Variants in SLC8A2 observed in about 807,000 individuals in gnomAD.
The protein encoded by SLC8A2 is sodium/calcium exchanger 2.
SLC8A2 carries 14 observed loss-of-function variants against 70.2 expected under a neutral mutation model. That is an observed-to-expected ratio of 0.20 (90% CI 0.13 to 0.31). The LOEUF (loss-of-function observed/expected upper bound fraction) is 0.31. Ranked by LOEUF, SLC8A2 falls within the 10% of genes least tolerant of loss-of-function variation. The pLI is 1.00. For missense variants in SLC8A2, 779 were observed against 1,320.1 expected (o/e 0.59, Z 6.35); for synonymous variants, 575 against 594.3 (o/e 0.97, Z 0.47).
Position 47,432,118 on chromosome 19 carries a change from G to A in SLC8A2, c.2389+49C>T, listed in dbSNP as rs768429796. The A allele has an allele frequency of 1.6e-5, 25 of 1,531,186 alleles. No homozygotes were observed. The African/African-American group carries it at 3.1e-4, about 19-fold the overall frequency. The allele number at this position is 1,531,186 out of a possible 1,614,324, so 94.8% of individuals were successfully genotyped here. On this transcript the variant is annotated intron_variant, in intron 9 of 9. Transcript: ENST00000236877. This position sits in a 1 kb window ranked among gnomAD's most constrained non-coding sequence, Gnocchi z 6.2. ...TTTGGCAGGATCCTGTGTTGCCCCT[G>A]CCTGGCTCATCTGAGATCCTACCCC...
rs1201659491 is a variant in SLC8A2, at chr19:47,428,596, GC to G, written c.*1492del. On this transcript the variant is annotated 3_prime_UTR_variant, in exon 10 of 10. Transcript: ENST00000236877. Reference sequence around the variant, plus strand: ...ACCCAGATTACTTGGTTTAACAGTTGCCCAAATCTCAGTCAGAGACCTTATT... The same window carrying G: ...ACCCAGATTACTTGGTTTAACAGTTGCCAAATCTCAGTCAGAGACCTTATT... 1 of 152,618 alleles carries G rather than the reference GC, an allele frequency of 6.6e-6. No homozygotes were observed. Among genetic ancestry groups the G allele is most frequent in the East Asian group, 1.9e-4 (1 of 5,198 alleles). The allele number at this position is 152,618 out of a possible 1,614,324, so 9.5% of individuals were successfully genotyped here.
At chr19:47,457,628 G>A in intron 2 of SLC8A2, 34 bp from the exon 3 acceptor site, 1 of 1,424,830 alleles carries the variant, frequency 7.0e-7, no homozygotes, top group Admixed American at 2.4e-5. Context: ...GAGGCCGGGC[G>A]GGCCGCCTTC....
At position 47,457,128 on chromosome 19, in the gene SLC8A2, G is replaced by C; in HGVS notation, c.1142C>G (p.Pro381Arg). 1 of 1,542,738 alleles carries C rather than the reference G, an allele frequency of 6.5e-7. No homozygotes were observed. The highest frequency in any genetic ancestry group is 8.7e-7 in the Non-Finnish European group (1 of 1,144,646). ...HAADASRRAA[P>R]AEGAGEDEDD... ...TTCGTCCTCGCCCGCGCCCTCGGCC[G>C]GCGCCGCCCTGCGCGAGGCGTCCGC... is the stretch of plus-strand genomic sequence containing the variant. Residue 381 changes from proline to arginine, a missense_variant, in exon 3 of 10, where the codon CCG becomes CGG. Around this residue, in one of 6 missense-constraint regions of SLC8A2, gnomAD observed 186 missense variants for 246.6 expected, o/e 0.75. Coordinates refer to ENST00000236877, the MANE Select transcript of SLC8A2 (RefSeq NM_015063.3).
chr19:47,456,334 T>A (rs1967303180), intron 3 of SLC8A2, among the ~76,000 whole-genome samples: 1 of 152,214 alleles, frequency 6.6e-6, no homozygotes, highest in Non-Finnish European at 1.5e-5. Flanking sequence ...TTAATGTTCC[T>A]ATGCACATGA....
chr19:47,460,189 A>G (rs1429285722), intron 2 of SLC8A2, among the ~76,000 whole-genome samples: 1 of 152,106 alleles, frequency 6.6e-6, no homozygotes, highest in Non-Finnish European at 1.5e-5. Context: ...CTGTGTCTCT[A>G]ACAGAGACAC....
chr19:47,451,217 C>T (rs1163224501), intron 3 of SLC8A2, among the ~76,000 whole-genome samples: 8 of 151,964 alleles, frequency 5.3e-5, no homozygotes, highest in Non-Finnish European at 8.8e-5. Context: ...ACCATGTTGG[C>T]CAGGCTGGTC....
Position 47,432,601 on chromosome 19 carries a change from A to T in SLC8A2, c.2111-156T>A. Reference sequence around the variant, plus strand: ...CCTGTGGCCAAGTCAACTGCTAAAAACAGTTACTTTCCCAGAATCCCTTGA... The same window carrying T: ...CCTGTGGCCAAGTCAACTGCTAAAATCAGTTACTTTCCCAGAATCCCTTGA... On this transcript the variant is annotated intron_variant, in intron 8 of 9. Coordinates refer to ENST00000236877, the MANE Select transcript of SLC8A2 (RefSeq NM_015063.3). This position sits in a 1 kb window ranked among gnomAD's most constrained non-coding sequence, Gnocchi z 6.2. The T allele has an allele frequency of 1.5e-6, 1 of 652,270 alleles. No homozygotes were observed. 40.4% of individuals were successfully genotyped at this position (652,270 alleles called of 1,614,324 possible). A position where few individuals can be genotyped will look rare whatever the true frequency, so the allele number is the denominator to read the frequency against.
intron 8 of SLC8A2, among the ~76,000 whole-genome samples, chr19:47,434,096 G>A (rs1292047400): frequency 6.6e-6 from 1 of 152,264 alleles, no homozygotes; most frequent in South Asian, 2.1e-4. Flanking sequence ...GAGAACGAAC[G>A]TAGCTCCTGA....
chr19:47,431,679 AAC>A (rs758101162), intron 9 of SLC8A2, among the ~76,000 whole-genome samples: 416 of 33,018 alleles, frequency 0.013, 42 homozygotes, highest in Non-Finnish European at 0.054. Flanking sequence ...AAAAAAAAAA[AAC>A]AAAACCCAAA....
chr19:47,458,891 C>T (rs533892385), intron 2 of SLC8A2, among the ~76,000 whole-genome samples: 1 of 151,782 alleles, frequency 6.6e-6, no homozygotes, highest in African/African-American at 2.4e-5. Context: ...CTCTCTCTCC[C>T]CATCTCTCTC....
chr19:47,438,556 T>G (rs1967060350), intron 6 of SLC8A2, among the ~76,000 whole-genome samples: 1 of 151,938 alleles, frequency 6.6e-6, no homozygotes, highest in Admixed American at 6.6e-5. Flanking sequence ...TACATCCTGG[T>G]CCTGAGCTCG....
intron 1 of SLC8A2, among the ~76,000 whole-genome samples, chr19:47,469,108 A>T (rs1967499381): frequency 2.1e-5 from 3 of 140,006 alleles, no homozygotes; most frequent in African/African-American, 8.1e-5. Context: ...AGCGAGGAGC[A>T]TGCCTGTGTG....
intron 8 of SLC8A2, among the ~76,000 whole-genome samples, chr19:47,433,808 A>AT (rs910168186): frequency 6.6e-6 from 1 of 151,994 alleles, no homozygotes; most frequent in African/African-American, 2.4e-5. Context: ...CACCTGGCTG[A>AT]TTTTTTTGTA....
intron 2 of SLC8A2, among the ~76,000 whole-genome samples, chr19:47,459,719 G>A (rs901383818): frequency 1.4e-5 from 2 of 147,928 alleles, no homozygotes; most frequent in Non-Finnish European, 3.0e-5. Context: ...GCGCGCATGT[G>A]TGTACGTCTG....
At chr19:47,454,686 AC>A (rs1390406055) in intron 3 of SLC8A2, among the ~76,000 whole-genome samples, 1 of 152,158 alleles carries the variant, frequency 6.6e-6, no homozygotes, top group Non-Finnish European at 1.5e-5. Flanking sequence ...GGAGGGAAAG[AC>A]CTGCAAATGT....
chr19:47,469,326 C>T (rs562436829), intron 1 of SLC8A2, among the ~76,000 whole-genome samples: 1 of 152,278 alleles, frequency 6.6e-6, no homozygotes, highest in East Asian at 1.9e-4. Context: ...CTTCTCCCTC[C>T]GCCTCCCTGG....
chr19:47,470,656 G>A (rs771282034), intron 1 of SLC8A2, among the ~76,000 whole-genome samples: 7 of 152,204 alleles, frequency 4.6e-5, no homozygotes, highest in Admixed American at 1.3e-4. Context: ...AATGAATCAA[G>A]AGCTGGACAA....
intron 9 of SLC8A2, among the ~76,000 whole-genome samples, chr19:47,431,494 T>A: frequency 6.7e-6 from 1 of 150,044 alleles, no homozygotes. Flanking sequence ...ACTAAAAACG[T>A]AAAAATTAGC....
intron 3 of SLC8A2, among the ~76,000 whole-genome samples, chr19:47,455,127 A>AG (rs1294511614): frequency 6.6e-6 from 1 of 151,970 alleles, no homozygotes. Context: ...AGTAGAGGAG[A>AG]GAGAGGAGAG....
Sources: allele counts gnomAD v4.1 joint callset (sites outside exome capture counted in the v4.1 genomes callset), GRCh38; gene constraint gnomAD v4.1.1; regional missense constraint gnomAD v4.1.1; non-coding constraint Gnocchi (gnomAD v3.1); transcripts MANE v1.5; gene names NCBI Gene and HGNC (gene_info 2026-07-23, HGNC 2026-07-21).